The following LRRTM4 variants were observed in gnomAD, a reference collection of about 807,000 sequenced individuals.
LRRTM4 encodes the protein leucine rich repeat transmembrane neuronal 4.
LRRTM4 carries 25 observed loss-of-function variants against 47.6 expected under a neutral mutation model. The ratio of observed to expected loss-of-function variants is 0.53; its 90% CI spans 0.38 to 0.73. The LOEUF (loss-of-function observed/expected upper bound fraction) is 0.73, where lower values mean the gene tolerates loss of function less well. Among genes scored for constraint, LRRTM4 ranks in the 30% least tolerant of loss-of-function variants. The pLI is 0.00. For synonymous variants in LRRTM4, 311 were observed against 269.5 expected, an observed-to-expected ratio of 1.15 and a Z score of -1.51; for missense variants, 638 against 713.4, an observed-to-expected ratio of 0.89 and a Z score of 1.20.
At chr2:76,833,194 G>T (rs1671403581) in intron 3 of LRRTM4, among the ~76,000 whole-genome samples, 2 of 152,104 alleles carry the variant, frequency 1.3e-5, no homozygotes, top group South Asian at 4.1e-4. Context: ...GAAAGTAAAT[G>T]ACCTCTGCAA....
chr2:76,956,981 C>T (rs945511198), intron 3 of LRRTM4, among the ~76,000 whole-genome samples: 1 of 151,546 alleles, frequency 6.6e-6, no homozygotes, highest in Non-Finnish European at 1.5e-5. Flanking sequence ...TTCATCACAG[C>T]ATTACTAACA....
intron 3 of LRRTM4, among the ~76,000 whole-genome samples, chr2:77,368,485 C>T (rs78172347): frequency 0.022 from 3,406 of 151,768 alleles, 144 homozygotes; most frequent in African/African-American, 0.078. Flanking sequence ...TTCATTTAAT[C>T]CTCATAATAA....
intron 3 of LRRTM4, among the ~76,000 whole-genome samples, chr2:76,841,563 C>T (rs1671683307): frequency 6.7e-6 from 1 of 150,300 alleles, no homozygotes; most frequent in Admixed American, 6.6e-5. Flanking sequence ...CTTCTAAATC[C>T]TTAAATTTAA....
intron 3 of LRRTM4, among the ~76,000 whole-genome samples, chr2:76,797,021 A>G (rs1675370904): frequency 6.6e-6 from 1 of 152,138 alleles, no homozygotes; most frequent in Non-Finnish European, 1.5e-5. Flanking sequence ...GGAGAATGCA[A>G]ACAAGTTGGA....
At chr2:76,816,178 G>T (rs926689221) in intron 3 of LRRTM4, among the ~76,000 whole-genome samples, 1 of 152,068 alleles carries the variant, frequency 6.6e-6, no homozygotes, top group African/African-American at 2.4e-5. Flanking sequence ...AAGATTGTTT[G>T]TATGCAAAGG....
chr2:77,173,516 G>T (rs532652077), intron 3 of LRRTM4, among the ~76,000 whole-genome samples: 3 of 152,202 alleles, frequency 2.0e-5, no homozygotes, highest in South Asian at 2.1e-4. Context: ...TGGGAGTCAC[G>T]GGTGGTTGAC....
At chr2:77,163,206 T>C (rs1184032112) in intron 3 of LRRTM4, among the ~76,000 whole-genome samples, 1 of 151,910 alleles carries the variant, frequency 6.6e-6, no homozygotes, top group Non-Finnish European at 1.5e-5. Context: ...GCCTATTCGA[T>C]CAAGTGGAAG....
Position 76,924,558 on chromosome 2 carries a change from G to C in LRRTM4, c.1552-175642C>G, listed in dbSNP as rs150708326. On this transcript the variant is annotated intron_variant, in intron 3 of 3. Coordinates refer to ENST00000409884, the MANE Select transcript of LRRTM4 (RefSeq NM_001134745.3). ...ATTCTAAATACTGAAGGTGGTAGAA[G>C]AATAAATACATACAGTTCACTCTGG... is the stretch of plus-strand genomic sequence containing the variant. 2.0e-5 allele frequency among the ~76,000 whole-genome samples: 3 copies of C among 151,550 alleles called. No homozygotes were observed. The East Asian group carries it at 5.8e-4, about 29-fold the overall frequency.
intron 3 of LRRTM4, among the ~76,000 whole-genome samples, chr2:76,819,448 A>T (rs1261853356): frequency 1.3e-5 from 2 of 151,902 alleles, no homozygotes; most frequent in Non-Finnish European, 2.9e-5. Context: ...AAGAGCAAGG[A>T]AACATTCTAT....
chr2:76,807,684 C>T (rs1284657456), intron 3 of LRRTM4, among the ~76,000 whole-genome samples: 1 of 151,252 alleles, frequency 6.6e-6, no homozygotes, highest in South Asian at 2.1e-4. Flanking sequence ...CTCTGCCTCC[C>T]AGGTTCAAGA....
At chr2:77,216,830 T>C (rs543788517) in intron 3 of LRRTM4, among the ~76,000 whole-genome samples, 112 of 152,044 alleles carry the variant, frequency 7.4e-4, no homozygotes, top group Admixed American at 1.2e-3. Flanking sequence ...CCCAGCACTT[T>C]GGGAGGCCGA....
At chr2:77,346,986 C>T (rs1001217575) in intron 3 of LRRTM4, among the ~76,000 whole-genome samples, 2 of 152,178 alleles carry the variant, frequency 1.3e-5, no homozygotes, top group African/African-American at 4.8e-5. Flanking sequence ...CTCTTCCCTG[C>T]CCTGGGACAG....
chr2:76,819,931 C>A (rs543295388), intron 3 of LRRTM4, among the ~76,000 whole-genome samples: 1 of 152,082 alleles, frequency 6.6e-6, no homozygotes, highest in African/African-American at 2.4e-5. Flanking sequence ...GCCACTGTAC[C>A]TCCTTGGCAT....
At chr2:76,923,196 T>G (rs1438349813) in intron 3 of LRRTM4, among the ~76,000 whole-genome samples, 307 of 152,214 alleles carry the variant, frequency 2.0e-3, no homozygotes, top group Non-Finnish European at 3.6e-3. Flanking sequence ...TTTAACTATA[T>G]TTCCATTTCT....
intron 3 of LRRTM4, among the ~76,000 whole-genome samples, chr2:77,252,303 C>A (rs1278845037): frequency 6.6e-6 from 1 of 152,086 alleles, no homozygotes; most frequent in Non-Finnish European, 1.5e-5. Flanking sequence ...ATATATGGTA[C>A]CCTACATACA....
chr2:77,205,316 T>A (rs1223925515), intron 3 of LRRTM4, among the ~76,000 whole-genome samples: 1 of 152,126 alleles, frequency 6.6e-6, no homozygotes, highest in Admixed American at 6.6e-5. Flanking sequence ...TATCAGATAT[T>A]GGAATGTACC....
chr2:76,801,913 A>T (rs1166868649), intron 3 of LRRTM4, among the ~76,000 whole-genome samples: 1 of 152,166 alleles, frequency 6.6e-6, no homozygotes, highest in Non-Finnish European at 1.5e-5. Flanking sequence ...ATTGGACAAA[A>T]TTCAACATCT....
At chr2:77,493,226 G>T (rs957566533) in intron 3 of LRRTM4, among the ~76,000 whole-genome samples, 1 of 151,972 alleles carries the variant, frequency 6.6e-6, no homozygotes, top group African/African-American at 2.4e-5. Context: ...ACTAAAATTT[G>T]CTCTTAGTAA....
chr2:76,837,902 C>A (rs1376261968), intron 3 of LRRTM4, among the ~76,000 whole-genome samples: 3 of 147,820 alleles, frequency 2.0e-5, no homozygotes, highest in Admixed American at 6.9e-5. Flanking sequence ...CATATGGACA[C>A]AGGAAGGGGA....
Sources: gnomAD v4.1 joint callset for allele counts (sites outside exome capture counted in the v4.1 genomes callset) on GRCh38, gnomAD v4.1.1 for gene constraint, MANE v1.5 for transcripts, NCBI Gene and HGNC (gene_info 2026-07-23, HGNC 2026-07-21) for gene names.